LOC128462377: variants seen among roughly 807,000 people sequenced by gnomAD.
the LOC128462377 span, among the ~76,000 whole-genome samples, chr16:89,415,894 A>G: frequency 2.7e-5 from 4 of 147,642 alleles, no homozygotes; most frequent in Admixed American, 2.1e-4. Context: ...AGGCCCTCAC[A>G]TGCCCATGTG....
chr16:89,349,893 CACACACACACACACACACAT>C, the LOC128462377 span, among the ~76,000 whole-genome samples: 53 of 132,988 alleles, frequency 4.0e-4, no homozygotes, highest in East Asian at 8.0e-4. Flanking sequence ...CACACACACA[CACACACACACACACACACAT>C]ATTCAAACAA....
At chr16:89,386,036 T>G in the LOC128462377 span, among the ~76,000 whole-genome samples, 1 of 152,236 alleles carries the variant, frequency 6.6e-6, no homozygotes, top group African/African-American at 2.4e-5. Context: ...TGCGCCGCCA[T>G]GCCCGCAAAC....
At chr16:89,358,060 G>T in the LOC128462377 span, among the ~76,000 whole-genome samples, 1 of 152,202 alleles carries the variant, frequency 6.6e-6, no homozygotes, top group Admixed American at 6.5e-5. Flanking sequence ...AACAATGGAG[G>T]AAGTGAGTGA....
the LOC128462377 span, among the ~76,000 whole-genome samples, chr16:89,415,844 A>G: frequency 6.9e-6 from 1 of 145,928 alleles, no homozygotes; most frequent in African/African-American, 2.5e-5. Context: ...AAAAAAAAAA[A>G]AAAAAACAAT....
chr16:89,406,727 C>T, the LOC128462377 span, among the ~76,000 whole-genome samples: 2 of 152,158 alleles, frequency 1.3e-5, no homozygotes, highest in Admixed American at 6.5e-5. Context: ...GACCTCAGTG[C>T]CTCCTTCACG....
the LOC128462377 span, among the ~76,000 whole-genome samples, chr16:89,417,682 G>A: frequency 2.0e-5 from 3 of 152,152 alleles, no homozygotes; most frequent in Non-Finnish European, 4.4e-5. Context: ...ATGCCCAGAA[G>A]CACAGGACAG....
At chr16:89,357,256 C>G in the LOC128462377 span, among the ~76,000 whole-genome samples, 4 of 152,116 alleles carry the variant, frequency 2.6e-5, no homozygotes, top group Admixed American at 1.3e-4. Flanking sequence ...TCTCATCTGT[C>G]AAATCTGCTG....
the LOC128462377 span, among the ~76,000 whole-genome samples, chr16:89,319,534 C>T: frequency 6.6e-6 from 1 of 152,250 alleles, no homozygotes; most frequent in Non-Finnish European, 1.5e-5. Flanking sequence ...CAGGCCGTGG[C>T]CCTTCCAGGA....
the LOC128462377 span, among the ~76,000 whole-genome samples, chr16:89,347,944 T>C: frequency 4.0e-5 from 6 of 149,314 alleles, no homozygotes; most frequent in Admixed American, 6.7e-5. Flanking sequence ...GATTTTGTCT[T>C]TTTTTTTTTG....
chr16:89,416,246 G>T, the LOC128462377 span, among the ~76,000 whole-genome samples: 1 of 152,092 alleles, frequency 6.6e-6, no homozygotes, highest in African/African-American at 2.4e-5. Flanking sequence ...TGTCAGCAGA[G>T]TTGCTGATAG....
At chr16:89,411,309 C>A in the LOC128462377 span, among the ~76,000 whole-genome samples, 2 of 113,430 alleles carry the variant, frequency 1.8e-5, no homozygotes, top group South Asian at 2.6e-4. Flanking sequence ...GCACTGCCTT[C>A]AGAATCCCTG....
the LOC128462377 span, among the ~76,000 whole-genome samples, chr16:89,413,920 C>A: frequency 6.6e-6 from 1 of 152,160 alleles, no homozygotes; most frequent in African/African-American, 2.4e-5. Flanking sequence ...CCCTTCCCCT[C>A]CCCACCTCCA....
chr16:89,346,118 G>A, the LOC128462377 span, among the ~76,000 whole-genome samples: 8 of 151,634 alleles, frequency 5.3e-5, no homozygotes, highest in Non-Finnish European at 8.8e-5. Context: ...GCGTGGTGCC[G>A]GGCGCTTGTA....
At chr16:89,379,911 C>T in the LOC128462377 span, among the ~76,000 whole-genome samples, 2 of 152,298 alleles carry the variant, frequency 1.3e-5, no homozygotes, top group African/African-American at 2.4e-5. Flanking sequence ...GCTGCAGACA[C>T]TGACCTTTTC....
At chr16:89,378,994 G>A in the LOC128462377 span, among the ~76,000 whole-genome samples, 1 of 152,218 alleles carries the variant, frequency 6.6e-6, no homozygotes, top group Non-Finnish European at 1.5e-5. Flanking sequence ...ACTGGGGAGC[G>A]TCAAGACGCC....
chr16:89,326,257 C>T, the LOC128462377 span, among the ~76,000 whole-genome samples: 5 of 152,158 alleles, frequency 3.3e-5, no homozygotes, highest in African/African-American at 1.2e-4. Flanking sequence ...GAAATAAACA[C>T]ACGGAAGTGA....
the LOC128462377 span, among the ~76,000 whole-genome samples, chr16:89,362,247 T>G: frequency 3.5e-4 from 53 of 152,374 alleles, no homozygotes; most frequent in African/African-American, 1.2e-3. Context: ...ACGGCACATA[T>G]GCTTTTCGGG....
chr16:89,338,535 C>G, the LOC128462377 span, among the ~76,000 whole-genome samples: 1 of 151,532 alleles, frequency 6.6e-6, no homozygotes, highest in African/African-American at 2.4e-5. Context: ...TCAAGACCAG[C>G]CTGGCCAACA....
the LOC128462377 span, among the ~76,000 whole-genome samples, chr16:89,339,466 G>A: frequency 6.9e-6 from 1 of 144,198 alleles, no homozygotes; most frequent in Admixed American, 7.3e-5. Flanking sequence ...AGCCCATCCT[G>A]CCCTGAGTGC....
Sources: allele counts gnomAD v4.1 joint callset (sites outside exome capture counted in the v4.1 genomes callset), GRCh38; gene constraint gnomAD v4.1.1; transcripts MANE v1.5.